ITSN1: variants seen among roughly 807,000 people sequenced by gnomAD.
ITSN1 encodes the protein intersectin 1, also known as intersectin-1.
ITSN1 carries 58 observed loss-of-function variants against 239.8 expected under a neutral mutation model. That is an observed-to-expected ratio of 0.24 (90% CI 0.20 to 0.30). The LOEUF is 0.30. Ranked by LOEUF, ITSN1 falls within the 10% of genes least tolerant of loss-of-function variation. The pLI is 1.00. For synonymous variants in ITSN1, 780 were observed against 770.8 expected (o/e 1.01, Z -0.20); for missense variants, 1,558 against 2,103.3 (o/e 0.74, Z 5.07).
At chr21:33,860,601 C>T (rs973556523) in intron 31 of ITSN1, among the ~76,000 whole-genome samples, 10 of 152,190 alleles carry the variant, frequency 6.6e-5, no homozygotes, top group African/African-American at 2.4e-4. Flanking sequence ...TCGGCTCTGA[C>T]TTGCTCCACA....
At chr21:33,818,043 G>A in intron 22 of ITSN1, 1 of 570,304 alleles carries the variant, frequency 1.8e-6, no homozygotes, top group East Asian at 2.9e-5. Flanking sequence ...GTCAGACAAT[G>A]ACTTTGTGAA....
At chr21:33,887,581 T>C (rs1018142908) in intron 39 of ITSN1, among the ~76,000 whole-genome samples, 5 of 146,752 alleles carry the variant, frequency 3.4e-5, no homozygotes, top group Non-Finnish European at 7.5e-5. Context: ...TGTCAACTTC[T>C]AATTCTTTTT....
intron 1 of ITSN1, among the ~76,000 whole-genome samples, chr21:33,707,909 C>T (rs1172051879): frequency 6.6e-6 from 1 of 152,088 alleles, no homozygotes; most frequent in Admixed American, 6.6e-5. Flanking sequence ...AACCAAATAC[C>T]TAGAAGTAGA....
rs1298764460 is a variant in ITSN1 at position 33,819,326 on chromosome 21, G to C, written c.3016+3G>C. On this transcript the variant is annotated splice_donor_region_variant and intron_variant, in intron 24 of 39. Coordinates refer to ENST00000381318, the MANE Select transcript of ITSN1 (RefSeq NM_003024.3). ...CAAGCCGGTCGTTTCGGGAGAAGGT[G>C]AGGGCCTGAGTTGTATTATGTTCTT... The C allele has an allele frequency of 6.2e-7, 1 of 1,611,594 alleles. No homozygotes were observed.
intron 29 of ITSN1, among the ~76,000 whole-genome samples, chr21:33,848,833 G>C (rs958190515): frequency 6.6e-6 from 1 of 152,028 alleles, no homozygotes; most frequent in Non-Finnish European, 1.5e-5. Flanking sequence ...ATCCCTCACC[G>C]CTGCCTGCCC....
At chr21:33,665,463 A>G (rs1353929454) in intron 1 of ITSN1, among the ~76,000 whole-genome samples, 1 of 151,632 alleles carries the variant, frequency 6.6e-6, no homozygotes, top group Non-Finnish European at 1.5e-5. Flanking sequence ...TATGGCTATC[A>G]TTTTTTTTTA....
At chr21:33,774,945 T>G (rs1407605541) in intron 13 of ITSN1, 23 bp from the exon 14 acceptor site, 2 of 1,604,456 alleles carry the variant, frequency 1.2e-6, no homozygotes, top group South Asian at 1.1e-5. Flanking sequence ...GTAATAATTT[T>G]TATTATCTTT....
chr21:33,868,777 T>TG, intron 33 of ITSN1, among the ~76,000 whole-genome samples: 1 of 152,126 alleles, frequency 6.6e-6, no homozygotes. Flanking sequence ...AGTGCAGTGG[T>TG]GGGCTGAAGG....
chr21:33,778,000 T>G (rs1258867274), intron 14 of ITSN1, among the ~76,000 whole-genome samples: 1 of 152,192 alleles, frequency 6.6e-6, no homozygotes, highest in Non-Finnish European at 1.5e-5. Context: ...TTGAAATAGA[T>G]CATATGTTTT....
intron 1 of ITSN1, among the ~76,000 whole-genome samples, chr21:33,702,859 C>T (rs2092082205): frequency 6.6e-6 from 1 of 152,142 alleles, no homozygotes; most frequent in Non-Finnish European, 1.5e-5. Flanking sequence ...GGGCAGATCA[C>T]CTGAGGTCAG....
At chr21:33,879,415 G>A (rs1432279252) in intron 34 of ITSN1, among the ~76,000 whole-genome samples, 3 of 152,180 alleles carry the variant, frequency 2.0e-5, no homozygotes, top group Non-Finnish European at 4.4e-5. Context: ...TTCTGAGCAG[G>A]GCATTGGTGA....
intron 5 of ITSN1, among the ~76,000 whole-genome samples, chr21:33,739,968 A>G (rs1008571364): frequency 6.6e-6 from 1 of 152,232 alleles, no homozygotes; most frequent in African/African-American, 2.4e-5. Context: ...TCTGGTGGTG[A>G]TAATCAATGT....
chr21:33,767,913 A>G (rs2068838057), intron 11 of ITSN1, 85 bp downstream of exon 11: 2 of 724,614 alleles, frequency 2.8e-6, no homozygotes, highest in Admixed American at 6.1e-5. Flanking sequence ...ATAGAGGTAA[A>G]CATAAATTTA....
At chr21:33,677,351 T>G (rs1357986173) in intron 1 of ITSN1, among the ~76,000 whole-genome samples, 1 of 151,898 alleles carries the variant, frequency 6.6e-6, no homozygotes. Context: ...TCTTTTTTTT[T>G]TTTTTTTAAG....
At chr21:33,844,013 T>G (rs1342358575) in intron 29 of ITSN1, among the ~76,000 whole-genome samples, 2 of 152,238 alleles carry the variant, frequency 1.3e-5, no homozygotes, top group Non-Finnish European at 1.5e-5. Context: ...GTGTGCATTT[T>G]TAAGACCTTT....
At chr21:33,766,084 T>C in intron 10 of ITSN1, 72 bp downstream of exon 10, 2 of 1,513,712 alleles carry the variant, frequency 1.3e-6, no homozygotes, top group Non-Finnish European at 1.8e-6. Flanking sequence ...TTATTGACTA[T>C]GTGTCTTACC....
At chr21:33,784,310 A>AACACACACACACACACACACCC (rs2070451010) in intron 16 of ITSN1, among the ~76,000 whole-genome samples, 1 of 134,110 alleles carries the variant, frequency 7.5e-6, no homozygotes. Context: ...GTCTCTACAA[A>AACACACACACACACACACACCC]ACACACACAC....
rs895012043 is a variant in ITSN1 at position 33,878,023 on chromosome 21, T to C, written c.4341+2502T>C. Among the ~76,000 whole-genome samples the C allele has an allele frequency of 3.6e-4, 54 of 150,098 alleles. 1 individual carries two copies. The highest frequency in any genetic ancestry group is 1.2e-3 in the African/African-American group (49 of 40,846). ...CTCTCTCTCTTTGTGTGTGTGTGTG[T>C]GTGTGTGTGTGTGTGTGTGTGTGTT... On this transcript the variant is annotated intron_variant, in intron 34 of 39. Transcript: ENST00000381318.
chr21:33,680,504 G>C (rs955838354), intron 1 of ITSN1, among the ~76,000 whole-genome samples: 2 of 151,836 alleles, frequency 1.3e-5, no homozygotes, highest in Non-Finnish European at 2.9e-5. Context: ...GCTAATTTTT[G>C]TGTTTTTATA....
Sources: gnomAD v4.1 joint callset for allele counts (sites outside exome capture counted in the v4.1 genomes callset) on GRCh38, gnomAD v4.1.1 for gene constraint, MANE v1.5 for transcripts, NCBI Gene and HGNC (gene_info 2026-07-23, HGNC 2026-07-21) for gene names.